The following SNCAIP variants were observed in gnomAD, a reference collection of about 807,000 sequenced individuals.
SNCAIP encodes synphilin-1.
Under a neutral mutation model 86.7 loss-of-function variants are expected in SNCAIP, and 43 were observed. The observed-to-expected ratio is 0.50, with a 90% CI of 0.39 to 0.64. SNCAIP has a LOEUF of 0.64. Among genes scored for constraint, SNCAIP ranks in the 30% least tolerant of loss-of-function variants. The pLI is 0.00. For synonymous variants in SNCAIP, 417 were observed against 427.2 expected, an observed-to-expected ratio of 0.98 and a Z score of 0.29; for missense variants, 981 against 1,103.1, an observed-to-expected ratio of 0.89 and a Z score of 1.57.
chr5:122,419,475 A>G (rs1476142043), intron 3 of SNCAIP, among the ~76,000 whole-genome samples: 1 of 152,224 alleles, frequency 6.6e-6, no homozygotes, highest in Admixed American at 6.5e-5. Flanking sequence ...CTGTGGTGTA[A>G]TCAGATAGGC....
At chr5:122,325,111 T>G (rs10070873) in intron 1 of SNCAIP, among the ~76,000 whole-genome samples, 3,778 of 152,248 alleles carry the variant, frequency 0.025, 66 homozygotes, top group Non-Finnish European at 0.037. Context: ...ATCTATTGAT[T>G]ATCTCATTTC....
At chr5:122,400,288 TAGTC>T (rs1419117891) in intron 2 of SNCAIP, among the ~76,000 whole-genome samples, 1 of 152,194 alleles carries the variant, frequency 6.6e-6, no homozygotes, top group Non-Finnish European at 1.5e-5. Context: ...TGCAGAGTCT[TAGTC>T]AAATTTTTAT....
chr5:122,386,756 A>G (rs1443153620), intron 1 of SNCAIP, among the ~76,000 whole-genome samples: 1 of 151,932 alleles, frequency 6.6e-6, no homozygotes, highest in East Asian at 1.9e-4. Context: ...GAGCTGAACC[A>G]TTGAAAAATG....
chr5:122,397,308 A>G (rs555309647), intron 2 of SNCAIP, among the ~76,000 whole-genome samples: 1 of 152,202 alleles, frequency 6.6e-6, no homozygotes, highest in South Asian at 2.1e-4. Context: ...TCCACTTCTT[A>G]TTATACAATA....
chr5:122,372,901 A>G (rs1342328318), intron 1 of SNCAIP, among the ~76,000 whole-genome samples: 1 of 152,126 alleles, frequency 6.6e-6, no homozygotes, highest in African/African-American at 2.4e-5. Context: ...ACATCCCTAC[A>G]AGATCATCAG....
intron 6 of SNCAIP, among the ~76,000 whole-genome samples, chr5:122,439,422 T>TA (rs1780296491): frequency 6.6e-6 from 1 of 152,190 alleles, no homozygotes; most frequent in African/African-American, 2.4e-5. Flanking sequence ...TTAGGGGTCT[T>TA]ACTCCCTGGT....
At chr5:122,326,232 A>T (rs570484883) in intron 1 of SNCAIP, among the ~76,000 whole-genome samples, 1 of 151,636 alleles carries the variant, frequency 6.6e-6, no homozygotes, top group South Asian at 2.1e-4. Context: ...AGCAACACTG[A>T]ATAGGAGACC....
intron 1 of SNCAIP, among the ~76,000 whole-genome samples, chr5:122,348,812 T>G (rs943808141): frequency 2.6e-5 from 4 of 152,194 alleles, no homozygotes; most frequent in Admixed American, 2.6e-4. Flanking sequence ...GGAAAATTGA[T>G]GACGTTTTTG....
intron 1 of SNCAIP, among the ~76,000 whole-genome samples, chr5:122,365,382 T>C (rs950130147): frequency 1.3e-5 from 2 of 152,300 alleles, no homozygotes; most frequent in African/African-American, 2.4e-5. Flanking sequence ...TGGCTTCTTA[T>C]AGAAAGATCC....
intron 1 of SNCAIP, among the ~76,000 whole-genome samples, chr5:122,353,979 A>T (rs1463022152): frequency 6.6e-6 from 1 of 152,214 alleles, no homozygotes; most frequent in African/African-American, 2.4e-5. Flanking sequence ...GCCCCAAATT[A>T]TACAGCTACT....
chr5:122,431,734 A>G (rs996955128), intron 5 of SNCAIP, among the ~76,000 whole-genome samples: 2 of 152,208 alleles, frequency 1.3e-5, no homozygotes, highest in African/African-American at 4.8e-5. Context: ...TGAATTTAAA[A>G]TAACTGATTA....
intron 10 of SNCAIP, among the ~76,000 whole-genome samples, chr5:122,461,722 A>G (rs1414780395): frequency 7.2e-6 from 1 of 139,248 alleles, no homozygotes; most frequent in East Asian, 2.2e-4. Flanking sequence ...TCTGTCACCC[A>G]GGCTGGAATG....
intron 2 of SNCAIP, among the ~76,000 whole-genome samples, chr5:122,401,711 A>G (rs1374443366): frequency 6.6e-6 from 1 of 152,218 alleles, no homozygotes; most frequent in East Asian, 1.9e-4. Flanking sequence ...GCAAAGTGCC[A>G]CAAGTGATTT....
At chr5:122,332,892 A>G (rs555108714) in intron 1 of SNCAIP, among the ~76,000 whole-genome samples, 3 of 152,314 alleles carry the variant, frequency 2.0e-5, no homozygotes, top group African/African-American at 7.2e-5. Context: ...CTTTTAGGAA[A>G]ATGCATTACT....
In SNCAIP at chr5:122,451,145, A is replaced by C. The variant is rs766001597; in HGVS notation, c.2298A>C (p.Ser766=). The change falls in exon 10 of 11, where the codon TCA becomes TCC. Residue 766 remains serine (S), a synonymous_variant. Coordinates refer to ENST00000261368, the MANE Select transcript of SNCAIP (RefSeq NM_005460.4). ...EPDLESQYPG[S]GSIPPNQPSG... ...ACTTAGAATCCCAGTATCCAGGCTC[A>C]GGGAGTATTCCTCCAAACCAGCCCT... 3 of 1,614,056 alleles carry C rather than the reference A, an allele frequency of 1.9e-6. No homozygotes were observed. The highest frequency in any genetic ancestry group is 2.5e-6 in the Non-Finnish European group (3 of 1,179,932).
intron 7 of SNCAIP, among the ~76,000 whole-genome samples, chr5:122,441,556 A>G (rs1029846210): frequency 2.0e-5 from 3 of 152,172 alleles, no homozygotes; most frequent in East Asian, 1.9e-4. Context: ...TAGGGTTCCT[A>G]TGAGAAGAAG....
At chr5:122,390,429 G>A (rs1050645792) in intron 1 of SNCAIP, among the ~76,000 whole-genome samples, 2 of 152,178 alleles carry the variant, frequency 1.3e-5, no homozygotes, top group Admixed American at 6.5e-5. Flanking sequence ...GACTGAAGAC[G>A]TTCCGGGGCC....
intron 6 of SNCAIP, 33 bp from the exon 7 acceptor site, chr5:122,440,596 T>G: frequency 6.2e-7 from 1 of 1,606,096 alleles, no homozygotes; most frequent in Non-Finnish European, 8.5e-7. Flanking sequence ...CTGCAAGATA[T>G]TACATGAATT....
At chr5:122,454,551 C>T (rs1371223499) in intron 10 of SNCAIP, 2 of 152,666 alleles carry the variant, frequency 1.3e-5, no homozygotes, top group African/African-American at 4.8e-5. Flanking sequence ...ACTCATTCCC[C>T]TCCTAGACCT....
Sources: allele counts gnomAD v4.1 joint callset (sites outside exome capture counted in the v4.1 genomes callset), GRCh38; gene constraint gnomAD v4.1.1; transcripts MANE v1.5; gene names NCBI Gene and HGNC (gene_info 2026-07-23, HGNC 2026-07-21).